Variants in CDKL3 observed in about 807,000 individuals in gnomAD.
CDKL3 encodes the protein cyclin-dependent kinase-like 3.
CDKL3 carries 65 observed loss-of-function variants against 69.3 expected under a neutral mutation model. The ratio of observed to expected loss-of-function variants is 0.94; its 90% CI spans 0.77 to 1.15. The LOEUF (loss-of-function observed/expected upper bound fraction) is 1.15, where lower values mean the gene tolerates loss of function less well. Ranked by LOEUF, CDKL3 falls within the 50% of genes most tolerant of loss-of-function variation. The pLI, the probability that CDKL3 is intolerant of heterozygous loss-of-function variation, is 0.00. For synonymous variants in CDKL3, 202 were observed against 221.6 expected, an observed-to-expected ratio of 0.91 and a Z score of 0.79; for missense variants, 652 against 689.2, an observed-to-expected ratio of 0.95 and a Z score of 0.61.
intron 4 of CDKL3, among the ~76,000 whole-genome samples, chr5:134,338,893 C>T (rs1749730549): frequency 6.6e-6 from 1 of 152,116 alleles, no homozygotes; most frequent in South Asian, 2.1e-4. Context: ...GTGGCTCACA[C>T]CTGTATTCCC....
intron 3 of CDKL3, among the ~76,000 whole-genome samples, chr5:134,356,387 A>G (rs1462499821): frequency 6.6e-6 from 1 of 152,230 alleles, no homozygotes; most frequent in African/African-American, 2.4e-5. Flanking sequence ...GATTCCTAAC[A>G]GGCCACAGAA....
intron 2 of CDKL3, among the ~76,000 whole-genome samples, chr5:134,365,039 GTGGCGCTGTCT>G (rs1466911318): frequency 6.6e-6 from 1 of 150,902 alleles, no homozygotes; most frequent in Non-Finnish European, 1.5e-5. Flanking sequence ...CTGGAGTGCA[GTGGCGCTGTCT>G]TGGCTCACTG....
chr5:134,360,767 G>A (rs918067565), intron 2 of CDKL3, among the ~76,000 whole-genome samples: 4 of 152,176 alleles, frequency 2.6e-5, no homozygotes, highest in East Asian at 1.9e-4. Flanking sequence ...GTTTTCAAAT[G>A]AGCATGGATT....
chr5:134,329,336 T>C (rs1775169844), intron 4 of CDKL3, among the ~76,000 whole-genome samples: 2 of 151,924 alleles, frequency 1.3e-5, no homozygotes, highest in Non-Finnish European at 2.9e-5. Context: ...AGATCCTGTC[T>C]CAAAAAAATA....
intron 11 of CDKL3, among the ~76,000 whole-genome samples, chr5:134,303,674 C>A (rs542068507): frequency 5.3e-5 from 8 of 151,120 alleles, no homozygotes; most frequent in Non-Finnish European, 1.0e-4. Flanking sequence ...TGGAACCCCC[C>A]CCCCGTCTCT....
chr5:134,306,925 T>C (rs1768038665), intron 9 of CDKL3, among the ~76,000 whole-genome samples: 1 of 152,068 alleles, frequency 6.6e-6, no homozygotes, highest in Non-Finnish European at 1.5e-5. Context: ...CAACTAATTT[T>C]TGTATTTTTT....
chr5:134,315,560 G>A (rs894451292), intron 6 of CDKL3, among the ~76,000 whole-genome samples: 3 of 151,920 alleles, frequency 2.0e-5, no homozygotes, highest in African/African-American at 7.3e-5. Flanking sequence ...TCTGGAACAC[G>A]TGGCCTCAAG....
intron 4 of CDKL3, among the ~76,000 whole-genome samples, chr5:134,323,240 C>T (rs551127393): frequency 6.6e-6 from 1 of 152,234 alleles, no homozygotes; most frequent in South Asian, 2.1e-4. Flanking sequence ...AGGTAACACA[C>T]ATATGTAAAT....
rs1581154801 is a variant in CDKL3 at position 134,347,299 on chromosome 5, G to A, written c.539+2950C>T. Among the ~76,000 whole-genome samples the A allele has an allele frequency of 2.0e-5, 3 of 151,892 alleles. No homozygotes were observed. In the South Asian group the frequency reaches 6.2e-4, roughly 31 times the overall value. On this transcript the variant is annotated intron_variant, in intron 4 of 12. Coordinates refer to ENST00000265334, the MANE Select transcript of CDKL3 (RefSeq NM_001113575.2). Reference sequence around the variant, plus strand: ...ACTGAAACTCTCACACTCAGCTAGTGGGAATGTAAAATGGTACAAACACTT... The same window carrying A: ...ACTGAAACTCTCACACTCAGCTAGTAGGAATGTAAAATGGTACAAACACTT...
chr5:134,309,164 C>G (rs1236188867), intron 7 of CDKL3, among the ~76,000 whole-genome samples: 1 of 152,148 alleles, frequency 6.6e-6, no homozygotes, highest in Non-Finnish European at 1.5e-5. Flanking sequence ...CATCTCGCCA[C>G]AACTTTCACC....
chr5:134,297,816 A>C (rs1765440306), downstream of CDKL3, among the ~76,000 whole-genome samples: 1 of 151,126 alleles, frequency 6.6e-6, no homozygotes. Flanking sequence ...TCCCGACCTC[A>C]GGTGATCTGC....
chr5:134,319,386 A>G lies in CDKL3; in HGVS notation c.764T>C (p.Leu255Pro). Residue 255 changes from leucine to proline, a missense_variant, in exon 6 of 13, where the codon CTT becomes CCT. Transcript: ENST00000265334. ...AACTATATCTGCCAACAATCCATTA[A>G]GCTTTGGATATTTTTTTCTTGCATT... ...PKNARKKYPK[L>P]NGLLADIVHA... 1 of 1,530,382 alleles carries G rather than the reference A, an allele frequency of 6.5e-7. No individual in the cohort carries two copies. The highest frequency in any genetic ancestry group is 8.8e-7 in the Non-Finnish European group (1 of 1,141,156). The allele number at this position is 1,530,382 out of a possible 1,614,324, so 94.8% of individuals were successfully genotyped here. A position where few individuals can be genotyped will look rare whatever the true frequency, so the allele number is the denominator to read the frequency against.
At chr5:134,324,844 TTAA>T (rs999996067) in intron 4 of CDKL3, among the ~76,000 whole-genome samples, 1 of 152,184 alleles carries the variant, frequency 6.6e-6, no homozygotes, top group African/African-American at 2.4e-5. Context: ...TGGAATTTAG[TTAA>T]TAATGTTCAA....
chr5:134,321,629 T>G (rs912368380), intron 5 of CDKL3, among the ~76,000 whole-genome samples, 162 bp downstream of exon 5: 4 of 152,212 alleles, frequency 2.6e-5, no homozygotes, highest in Non-Finnish European at 5.9e-5. Flanking sequence ...GCAGAGAATT[T>G]TCTGCCTTCT....
At chr5:134,306,297 C>A (rs1389895545) in intron 10 of CDKL3, among the ~76,000 whole-genome samples, 1 of 152,040 alleles carries the variant, frequency 6.6e-6, no homozygotes, top group Non-Finnish European at 1.5e-5. Flanking sequence ...GAGTTTGAGA[C>A]CAGCCTGGGC....
chr5:134,290,694 TAA>T (rs1463773732), intron 8 of CDKL3, among the ~76,000 whole-genome samples: 17 of 152,028 alleles, frequency 1.1e-4, no homozygotes, highest in Non-Finnish European at 1.8e-4. Context: ...TCATCTGATT[TAA>T]GTTTTTTTTT....
intron 4 of CDKL3, among the ~76,000 whole-genome samples, chr5:134,346,403 A>C (rs189163631): frequency 1.3e-5 from 2 of 152,244 alleles, no homozygotes; most frequent in East Asian, 3.9e-4. Flanking sequence ...GTCACATTGA[A>C]CTTTGTTAAA....
chr5:134,305,142 G>C (rs1767459439), intron 10 of CDKL3, among the ~76,000 whole-genome samples: 1 of 151,704 alleles, frequency 6.6e-6, no homozygotes, highest in Non-Finnish European at 1.5e-5. Flanking sequence ...TTAAGACAGA[G>C]TCTTGCTTTG....
At chr5:134,327,339 G>A (rs1054941550) in intron 4 of CDKL3, among the ~76,000 whole-genome samples, 1 of 152,168 alleles carries the variant, frequency 6.6e-6, no homozygotes, top group Non-Finnish European at 1.5e-5. Context: ...ATCTCACTAA[G>A]TAGTCACCTC....
Sources: allele counts gnomAD v4.1 joint callset (sites outside exome capture counted in the v4.1 genomes callset), GRCh38; gene constraint gnomAD v4.1.1; transcripts MANE v1.5; gene names NCBI Gene and HGNC (gene_info 2026-07-23, HGNC 2026-07-21).